The following XPR1 variants were observed in gnomAD, a reference collection of about 807,000 sequenced individuals.
The protein encoded by XPR1 is solute carrier family 53 member 1.
A neutral mutation model predicts 87.5 loss-of-function variants in XPR1; 28 were observed. The observed-to-expected ratio is 0.32, with a 90% CI of 0.24 to 0.44. XPR1 has a LOEUF of 0.44. Among genes scored for constraint, XPR1 ranks in the 20% least tolerant of loss-of-function variants. The probability of loss-of-function intolerance (pLI) is 1.00; values close to 1 mark genes in which losing one functional copy is unlikely to be tolerated. For synonymous variants in XPR1, 300 were observed against 306.1 expected (o/e 0.98, Z 0.21); for missense variants, 559 against 862.3 (o/e 0.65, Z 4.41).
intron 2 of XPR1, among the ~76,000 whole-genome samples, chr1:180,744,439 A>G (rs891727849): frequency 3.3e-5 from 5 of 151,626 alleles, no homozygotes. Flanking sequence ...CATTTTAATG[A>G]TAGTTTTTGT....
At chr1:180,644,738 A>G (rs1655057714) in intron 1 of XPR1, among the ~76,000 whole-genome samples, 1 of 152,126 alleles carries the variant, frequency 6.6e-6, no homozygotes, top group Non-Finnish European at 1.5e-5. Flanking sequence ...GTTTTTCCAC[A>G]TACCAGGGGG....
chr1:180,738,035 G>A (rs1658784927), intron 2 of XPR1, among the ~76,000 whole-genome samples: 1 of 151,914 alleles, frequency 6.6e-6, no homozygotes, highest in Admixed American at 6.6e-5. Context: ...TTTTTGAGAT[G>A]GAGTCTTGCT....
intron 1 of XPR1, among the ~76,000 whole-genome samples, chr1:180,659,232 T>C (rs866194100): frequency 7.3e-3 from 180 of 24,614 alleles, no homozygotes; most frequent in Non-Finnish European, 0.013. Flanking sequence ...CTTCCTTCCT[T>C]CCTTCCTTCC....
At chr1:180,654,649 A>C (rs1439742865) in intron 1 of XPR1, among the ~76,000 whole-genome samples, 2 of 152,138 alleles carry the variant, frequency 1.3e-5, no homozygotes, top group African/African-American at 4.8e-5. Context: ...TACCTCATAT[A>C]AGTAGAATCA....
intron 9 of XPR1, among the ~76,000 whole-genome samples, chr1:180,827,153 CAAAAAAAAAAAAAAA>C (rs11324246): frequency 1.5e-5 from 1 of 66,894 alleles, no homozygotes. Context: ...GACTCCTTCT[CAAAAAAAAAAAAAAA>C]AAAAAAAAAG....
intron 2 of XPR1, among the ~76,000 whole-genome samples, chr1:180,697,966 A>T (rs892413225): frequency 1.3e-5 from 2 of 152,032 alleles, no homozygotes; most frequent in African/African-American, 4.8e-5. Context: ...GGGTCCATCT[A>T]GTTTAAGTGC....
intron 2 of XPR1, among the ~76,000 whole-genome samples, chr1:180,698,511 G>C (rs535609219): frequency 2.1e-4 from 32 of 150,146 alleles, no homozygotes; most frequent in African/African-American, 7.8e-4. Context: ...TTTTTCTTCT[G>C]TTCTTGTTTA....
At chr1:180,782,650 T>C (rs987314476) in intron 2 of XPR1, among the ~76,000 whole-genome samples, 9 of 151,970 alleles carry the variant, frequency 5.9e-5, no homozygotes, top group African/African-American at 2.2e-4. Context: ...CCTTAAGTCC[T>C]CATTTAACCT....
At chr1:180,851,547 A>G (rs1178415132) in intron 11 of XPR1, among the ~76,000 whole-genome samples, 1 of 152,204 alleles carries the variant, frequency 6.6e-6, no homozygotes, top group Non-Finnish European at 1.5e-5. Flanking sequence ...ACAATGCATA[A>G]TTTTCCATTT....
At chr1:180,684,718 G>A (rs1369241992) in intron 2 of XPR1, among the ~76,000 whole-genome samples, 2 of 152,088 alleles carry the variant, frequency 1.3e-5, no homozygotes, top group African/African-American at 4.8e-5. Context: ...CTTTTAAGTT[G>A]GATTCCTAGG....
intron 1 of XPR1, among the ~76,000 whole-genome samples, chr1:180,662,179 G>T (rs921630041): frequency 2.0e-5 from 3 of 152,098 alleles, no homozygotes; most frequent in Non-Finnish European, 4.4e-5. Context: ...TGTATGTTGA[G>T]ATGATTTCTT....
At chr1:180,642,552 GA>G (rs1308503011) in intron 1 of XPR1, among the ~76,000 whole-genome samples, 15 of 152,046 alleles carry the variant, frequency 9.9e-5, no homozygotes, top group African/African-American at 3.6e-4. Flanking sequence ...CCCATTATAA[GA>G]AGATACTGAG....
At chr1:180,743,133 T>G (rs1426589535) in intron 2 of XPR1, among the ~76,000 whole-genome samples, 1 of 152,026 alleles carries the variant, frequency 6.6e-6, no homozygotes, top group East Asian at 1.9e-4. Flanking sequence ...AATGTAATGA[T>G]TGTTATGTTT....
chr1:180,825,075 A>G, intron 8 of XPR1, 90 bp from the exon 9 acceptor site: 1 of 1,505,442 alleles, frequency 6.6e-7, no homozygotes, highest in Non-Finnish European at 8.9e-7. Flanking sequence ...CATGTTTCTT[A>G]CTTTTGTTTT....
At chr1:180,793,396 C>T (rs1649457885) in intron 3 of XPR1, among the ~76,000 whole-genome samples, 1 of 151,922 alleles carries the variant, frequency 6.6e-6, no homozygotes, top group Admixed American at 6.6e-5. Context: ...GAATCTTTTA[C>T]ACTGAAATAG....
intron 1 of XPR1, among the ~76,000 whole-genome samples, chr1:180,673,351 T>C (rs1656250287): frequency 6.6e-6 from 1 of 152,376 alleles, no homozygotes; most frequent in East Asian, 1.9e-4. Flanking sequence ...GGATACATTA[T>C]TATTAAAATC....
intron 2 of XPR1, among the ~76,000 whole-genome samples, chr1:180,749,496 G>A (rs1647433159): frequency 6.6e-6 from 1 of 151,974 alleles, no homozygotes; most frequent in Admixed American, 6.6e-5. Flanking sequence ...GATTTCTTAT[G>A]AGTTTTCCAA....
chr1:180,754,733 A>G (rs995967198), intron 2 of XPR1, among the ~76,000 whole-genome samples: 1 of 152,142 alleles, frequency 6.6e-6, no homozygotes, highest in Admixed American at 6.5e-5. Context: ...AAGTACTGGG[A>G]TTACAGGTGT....
rs781629431 is a variant in XPR1 at position 180,884,027 on chromosome 1, G to A, written c.2052G>A (p.Lys684=). 3.3e-5 allele frequency: 53 copies of A among 1,613,754 alleles called. No individual in the cohort carries two copies. Among genetic ancestry groups the A allele is most frequent in the Non-Finnish European group, 4.1e-5 (48 of 1,179,944 alleles). Residue 684 remains lysine, a synonymous_variant, in exon 15 of 15, where the codon AAG becomes AAA. Coordinates refer to ENST00000367590, the MANE Select transcript of XPR1 (RefSeq NM_004736.4). ...LASQSKARDT[K]VLIEDTDDEA... ...CTAGATCCAAGGCTCGTGACACTAA[G>A]GTATTGATAGAAGACACAGATGATG...
Sources: allele counts gnomAD v4.1 joint callset (sites outside exome capture counted in the v4.1 genomes callset), GRCh38; gene constraint gnomAD v4.1.1; transcripts MANE v1.5; gene names NCBI Gene and HGNC (gene_info 2026-07-23, HGNC 2026-07-21).